Variants in NOL4 observed in about 807,000 individuals in gnomAD.
NOL4 encodes nucleolar protein 4, also known as cancer/testis antigen 125.
A neutral mutation model predicts 75.9 loss-of-function variants in NOL4; 17 were observed. That is an observed-to-expected ratio of 0.22 (90% confidence interval 0.15 to 0.34). NOL4 has a LOEUF of 0.34. Ranked by LOEUF, NOL4 falls within the 10% of genes least tolerant of loss-of-function variation. The pLI, the probability that NOL4 is intolerant of heterozygous loss-of-function variation, is 1.00. For synonymous variants in NOL4, 292 were observed against 289.9 expected (o/e 1.01, Z -0.07); for missense variants, 614 against 793.5 (o/e 0.77, Z 2.72).
In NOL4 at chr18:34,084,946, T is replaced by G. The variant is rs1395144961; in HGVS notation, c.772+8519A>C. Among the ~76,000 whole-genome samples, 4 of 152,150 alleles carry G rather than the reference T, an allele frequency of 2.6e-5. No homozygotes were observed. In the South Asian group the frequency reaches 6.2e-4, roughly 24 times the overall value. ...GAAGTAGTAGCTAGCTGACCCAAAT[T>G]AGTACAAGAAAGTTATAAAGGAACA... On this transcript the variant is annotated intron_variant, in intron 5 of 10. Transcript: ENST00000261592.
chr18:33,862,646 T>C (rs2063210295), intron 10 of NOL4, among the ~76,000 whole-genome samples: 1 of 152,226 alleles, frequency 6.6e-6, no homozygotes, highest in African/African-American at 2.4e-5. Flanking sequence ...AAGACATTTA[T>C]GCAGCCAAAA....
At chr18:33,887,091 A>ATC (rs2064775185) in intron 9 of NOL4, among the ~76,000 whole-genome samples, 1 of 140,514 alleles carries the variant, frequency 7.1e-6, no homozygotes, top group African/African-American at 2.6e-5. Context: ...TATATATTAG[A>ATC]TATAGATATA....
intron 1 of NOL4, among the ~76,000 whole-genome samples, chr18:34,177,704 T>C (rs2033672166): frequency 6.6e-6 from 1 of 151,850 alleles, no homozygotes; most frequent in South Asian, 2.1e-4. Flanking sequence ...GAAGCCAGAA[T>C]GTACATAGTC....
At chr18:33,947,024 T>C (rs921912869) in intron 8 of NOL4, among the ~76,000 whole-genome samples, 1 of 151,678 alleles carries the variant, frequency 6.6e-6, no homozygotes, top group Non-Finnish European at 1.5e-5. Context: ...TAAATGCCAA[T>C]ACTCTCCAAT....
intron 6 of NOL4, among the ~76,000 whole-genome samples, chr18:33,989,958 T>C (rs1374574023): frequency 6.6e-6 from 1 of 152,066 alleles, no homozygotes; most frequent in African/African-American, 2.4e-5. Flanking sequence ...TTACCAAATA[T>C]TTATTGAGCA....
chr18:34,000,376 A>T (rs1231017435), intron 6 of NOL4, among the ~76,000 whole-genome samples: 4 of 151,996 alleles, frequency 2.6e-5, no homozygotes, highest in Non-Finnish European at 4.4e-5. Context: ...ACGATTCAAC[A>T]CTCTGTTGGG....
At chr18:34,109,083 C>T (rs1474585128) in intron 2 of NOL4, among the ~76,000 whole-genome samples, 2 of 151,998 alleles carry the variant, frequency 1.3e-5, no homozygotes, top group African/African-American at 4.8e-5. Flanking sequence ...AAACACACTC[C>T]TGAGCAAAGA....
chr18:33,927,396 T>C (rs1367578393), intron 9 of NOL4, among the ~76,000 whole-genome samples: 1 of 152,176 alleles, frequency 6.6e-6, no homozygotes, highest in African/African-American at 2.4e-5. Flanking sequence ...TCATAGAAAA[T>C]AGCTTTGGAA....
At chr18:34,080,267 G>T (rs1333382112) in intron 5 of NOL4, among the ~76,000 whole-genome samples, 1 of 152,092 alleles carries the variant, frequency 6.6e-6, no homozygotes, top group Non-Finnish European at 1.5e-5. Flanking sequence ...CTTCCAGTTT[G>T]TAGTTATACA....
Position 33,964,503 on chromosome 18 carries a change from GAAAA to G in NOL4, c.1057-6089_1057-6086del, listed in dbSNP as rs552776553. On this transcript the variant is annotated intron_variant, in intron 6 of 10. Coordinates refer to ENST00000261592, the MANE Select transcript of NOL4 (RefSeq NM_003787.5). ...AAGAAAAGAAAGGACAGAAAAGAAA[GAAAA>G]GAAAGGAAGGAAGGAAGGAAGATAG... is the stretch of plus-strand genomic sequence containing the variant. 7.3e-4 allele frequency among the ~76,000 whole-genome samples: 111 copies of G among 151,206 alleles called. 2 individuals are homozygous for G. The highest frequency in any genetic ancestry group is 4.2e-3 in the South Asian group (20 of 4,816).
chr18:34,019,218 TA>T, intron 6 of NOL4, 99 bp downstream of exon 6: 1 of 971,726 alleles, frequency 1.0e-6, no homozygotes, highest in Non-Finnish European at 1.5e-6. Flanking sequence ...TTGTTTATAA[TA>T]TTTTTATTAA....
At chr18:34,216,274 C>A (rs894839720) in intron 1 of NOL4, among the ~76,000 whole-genome samples, 7 of 152,076 alleles carry the variant, frequency 4.6e-5, no homozygotes, top group Non-Finnish European at 8.8e-5. Context: ...AATCAATTTG[C>A]CTTAGAATTT....
intron 9 of NOL4, among the ~76,000 whole-genome samples, chr18:33,920,994 G>A (rs1238580299): frequency 1.3e-5 from 2 of 152,196 alleles, no homozygotes; most frequent in Admixed American, 1.3e-4. Flanking sequence ...TGGGGCTACA[G>A]ATGATTATTC....
chr18:33,853,819 T>A (rs1327877950), intron 10 of NOL4, among the ~76,000 whole-genome samples: 1 of 152,094 alleles, frequency 6.6e-6, no homozygotes, highest in East Asian at 1.9e-4. Context: ...CGAAACCTTT[T>A]TTTCTTACAT....
At position 34,121,543 on chromosome 18, in the gene NOL4, C is replaced by T. The variant is rs562736067; in HGVS notation, c.414+8328G>A. 1.1e-4 allele frequency among the ~76,000 whole-genome samples: 17 copies of T among 152,288 alleles called. No homozygotes were observed. The South Asian group carries it at 3.3e-3, about 30-fold the overall frequency. On this transcript the variant is annotated intron_variant, in intron 2 of 10. Coordinates refer to ENST00000261592, the MANE Select transcript of NOL4 (RefSeq NM_003787.5). ...GCCATCTTAGGGAGACAGAGAAAGA[C>T]GGCGAAGATTTCACTTCATTCTGTT...
Position 34,008,545 on chromosome 18 carries a change from C to T in NOL4, c.1056+10773G>A, listed in dbSNP as rs981099861. On this transcript the variant is annotated intron_variant, in intron 6 of 10. Coordinates refer to ENST00000261592, the MANE Select transcript of NOL4 (RefSeq NM_003787.5). ...TTTACTTTAAAATATTTGTCTCATA[C>T]GTGAAAATGTAATTGATAAAAAATA... 4.6e-5 allele frequency among the ~76,000 whole-genome samples: 7 copies of T among 151,778 alleles called. 1 individual carries two copies. Among genetic ancestry groups the T allele is most frequent in the Admixed American group, 2.6e-4 (4 of 15,200 alleles).
At chr18:34,000,524 T>A (rs1256523322) in intron 6 of NOL4, among the ~76,000 whole-genome samples, 3 of 152,126 alleles carry the variant, frequency 2.0e-5, no homozygotes, top group Admixed American at 6.6e-5. Flanking sequence ...TTATTTTCCA[T>A]TAAACTGGCA....
In NOL4 at chr18:34,046,607, C is replaced by CACAT. The variant is rs1555703524; in HGVS notation, c.773-27007_773-27006insATGT. Among the ~76,000 whole-genome samples the CACAT allele has an allele frequency of 3.7e-5, 3 of 81,658 alleles. No homozygotes were observed. In the Admixed American group the frequency reaches 4.1e-4, roughly 11 times the overall value. The allele number at this position is 81,658 out of a possible 152,430, so 53.6% of individuals were successfully genotyped here. ...TTTTAAAATTTACTATTTACTTATA[C>CACAT]ATATATATATATATATATATATATA... On this transcript the variant is annotated intron_variant, in intron 5 of 10. Coordinates refer to ENST00000261592, the MANE Select transcript of NOL4 (RefSeq NM_003787.5).
chr18:33,974,144 A>G (rs1189003690), intron 6 of NOL4, among the ~76,000 whole-genome samples: 6 of 152,178 alleles, frequency 3.9e-5, no homozygotes, highest in African/African-American at 7.2e-5. Context: ...CAATTTCTAC[A>G]TCAGCATTCG....
Sources: allele counts gnomAD v4.1 joint callset (sites outside exome capture counted in the v4.1 genomes callset), GRCh38; gene constraint gnomAD v4.1.1; transcripts MANE v1.5; gene names NCBI Gene and HGNC (gene_info 2026-07-23, HGNC 2026-07-21).